Variants in RAB3C observed in about 807,000 individuals in gnomAD.
RAB3C encodes RAB3C, member RAS oncogene family, also known as ras-related protein Rab-3C.
In RAB3C, 17 loss-of-function variants were observed where a neutral mutation model predicts 26.4. That is an observed-to-expected ratio of 0.64 (90% CI 0.44 to 0.97). RAB3C has a LOEUF of 0.97. Among genes scored for constraint, RAB3C ranks in the 50% least tolerant of loss-of-function variants. The probability of loss-of-function intolerance (pLI) is 0.00; values close to 1 mark genes in which losing one functional copy is unlikely to be tolerated. For synonymous variants in RAB3C, 91 were observed against 95.9 expected, an observed-to-expected ratio of 0.95 and a Z score of 0.30; for missense variants, 242 against 281.9, an observed-to-expected ratio of 0.86 and a Z score of 1.01.
chr5:58,611,826 G>A (rs1459642304), intron 1 of RAB3C, among the ~76,000 whole-genome samples: 1 of 152,038 alleles, frequency 6.6e-6, no homozygotes, highest in Non-Finnish European at 1.5e-5. Context: ...GTCAATAATG[G>A]TATTGCCTAG....
intron 3 of RAB3C, among the ~76,000 whole-genome samples, chr5:58,801,050 C>G (rs77928653): frequency 6.6e-6 from 1 of 152,150 alleles, no homozygotes; most frequent in African/African-American, 2.4e-5. Flanking sequence ...CAAAAGCCCC[C>G]GCCCCAAAAG....
intron 2 of RAB3C, among the ~76,000 whole-genome samples, chr5:58,669,331 A>G (rs1253842664): frequency 6.6e-6 from 1 of 152,148 alleles, no homozygotes; most frequent in Non-Finnish European, 1.5e-5. Flanking sequence ...AAATGTAGAA[A>G]ATACCCCTGT....
At chr5:58,661,124 T>C (rs915483724) in intron 2 of RAB3C, among the ~76,000 whole-genome samples, 2 of 150,116 alleles carry the variant, frequency 1.3e-5, no homozygotes, top group African/African-American at 5.1e-5. Context: ...ATTTCATTTC[T>C]TTCAGGAAAT....
intron 4 of RAB3C, among the ~76,000 whole-genome samples, chr5:58,845,466 A>G (rs1469795354): frequency 6.6e-6 from 1 of 151,788 alleles, no homozygotes; most frequent in African/African-American, 2.4e-5. Flanking sequence ...CTTGTTGAGC[A>G]TGGGAACCAT....
At chr5:58,677,755 G>A (rs1238986755) in intron 2 of RAB3C, among the ~76,000 whole-genome samples, 37 of 152,300 alleles carry the variant, frequency 2.4e-4, no homozygotes, top group Non-Finnish European at 1.5e-5. Flanking sequence ...ATCACAGGTA[G>A]TGAAGATATC....
chr5:58,582,885 G>A (rs1745929788), upstream of RAB3C, among the ~76,000 whole-genome samples: 1 of 152,208 alleles, frequency 6.6e-6, no homozygotes, highest in Non-Finnish European at 1.5e-5. Flanking sequence ...GTTTGGAAAG[G>A]AGTAGGGAGG....
intron 1 of RAB3C, among the ~76,000 whole-genome samples, chr5:58,597,332 ATCAT>A (rs773358456): frequency 0.66 from 70 of 106 alleles, 22 homozygotes; most frequent in East Asian, 1. Flanking sequence ...ATATTATATA[ATCAT>A]TATATATAAG....
Position 58,586,601 on chromosome 5 carries a change from T to C in RAB3C, c.24+3369T>C, listed in dbSNP as rs559581926. ...TCTTACAGGACCAAAGTGGAATTCA[T>C]TGTCTCTGACTAAATGCTTACTTTT... On this transcript the variant is annotated intron_variant, in intron 1 of 4. Transcript: ENST00000282878. Among the ~76,000 whole-genome samples the C allele has an allele frequency of 3.3e-4, 51 of 152,282 alleles. 1 individual carries two copies. The highest frequency in any genetic ancestry group is 1.2e-3 in the African/African-American group (50 of 41,580).
At chr5:58,833,021 A>AT (rs11348590) in intron 4 of RAB3C, among the ~76,000 whole-genome samples, 3 of 151,408 alleles carry the variant, frequency 2.0e-5, no homozygotes, top group African/African-American at 7.3e-5. Context: ...TCGTACCTCA[A>AT]TTTTTTTTTC....
intron 4 of RAB3C, among the ~76,000 whole-genome samples, chr5:58,845,933 G>A (rs556393987): frequency 3.3e-4 from 50 of 151,816 alleles, no homozygotes; most frequent in African/African-American, 1.1e-3. Context: ...CCTATTCTGG[G>A]CATTTTTTAT....
At chr5:58,804,160 T>G (rs1742880416) in intron 3 of RAB3C, among the ~76,000 whole-genome samples, 1 of 152,154 alleles carries the variant, frequency 6.6e-6, no homozygotes, top group Admixed American at 6.5e-5. Flanking sequence ...TCAATAGAAA[T>G]CACTGGTGGC....
intron 3 of RAB3C, among the ~76,000 whole-genome samples, chr5:58,746,224 C>T (rs6867427): frequency 0.015 from 2,313 of 152,238 alleles, 48 homozygotes; most frequent in African/African-American, 0.053. Context: ...GCAAAGGAAA[C>T]TACCTCTCAC....
intron 4 of RAB3C, among the ~76,000 whole-genome samples, chr5:58,830,199 C>T (rs1743582356): frequency 6.6e-6 from 1 of 152,154 alleles, no homozygotes; most frequent in Non-Finnish European, 1.5e-5. Flanking sequence ...AGGAAATAGT[C>T]TCTTGAAGTA....
chr5:58,754,020 G>C (rs924003765), intron 3 of RAB3C, among the ~76,000 whole-genome samples: 1 of 151,972 alleles, frequency 6.6e-6, no homozygotes, highest in Admixed American at 6.5e-5. Flanking sequence ...GCTTGGGGTC[G>C]GGGGGTTGGA....
chr5:58,805,847 G>A (rs745635713), intron 3 of RAB3C, among the ~76,000 whole-genome samples: 1 of 152,076 alleles, frequency 6.6e-6, no homozygotes, highest in Non-Finnish European at 1.5e-5. Flanking sequence ...CCACCATGAA[G>A]AAAGTATAGG....
chr5:58,819,721 A>T, intron 3 of RAB3C, among the ~76,000 whole-genome samples: 2 of 152,200 alleles, frequency 1.3e-5, no homozygotes, highest in Middle Eastern at 3.4e-3. Flanking sequence ...CTTAAAAAAA[A>T]TAAAAAAATT....
chr5:58,827,568 A>G (rs1171174361), intron 4 of RAB3C, among the ~76,000 whole-genome samples: 3 of 134,788 alleles, frequency 2.2e-5, no homozygotes, highest in Non-Finnish European at 5.2e-5. Context: ...ATCGACTGGC[A>G]CACACACAAA....
At position 58,826,043 on chromosome 5, in the gene RAB3C, G is replaced by T. The variant is rs111304822; in HGVS notation, c.496+881G>T. Among the ~76,000 whole-genome samples the T allele has an allele frequency of 9.4e-4, 143 of 152,300 alleles. 1 individual carries two copies. Among genetic ancestry groups the T allele is most frequent in the African/African-American group, 3.4e-3 (140 of 41,580 alleles). On this transcript the variant is annotated intron_variant, in intron 4 of 4. Transcript: ENST00000282878. ...AAACAGGTCAATGAGGAGATAAGCT[G>T]CAAGGCAGATGCCAACAGGAAAGCA...
intron 2 of RAB3C, among the ~76,000 whole-genome samples, chr5:58,725,274 T>C (rs1386026327): frequency 1.3e-5 from 2 of 151,862 alleles, no homozygotes; most frequent in Non-Finnish European, 2.9e-5. Context: ...CTTTATGGTT[T>C]TCATTGAGAA....
Sources: allele counts gnomAD v4.1 joint callset (sites outside exome capture counted in the v4.1 genomes callset), GRCh38; gene constraint gnomAD v4.1.1; transcripts MANE v1.5; gene names NCBI Gene and HGNC (gene_info 2026-07-23, HGNC 2026-07-21).